STRN: variants seen among roughly 807,000 people sequenced by gnomAD.
The protein encoded by STRN is protein phosphatase 2 regulatory subunit B'''alpha.
STRN carries 53 observed loss-of-function variants against 96.3 expected under a neutral mutation model. The ratio of observed to expected loss-of-function variants is 0.55; its 90% confidence interval spans 0.44 to 0.69. The LOEUF is 0.69. Among genes scored for constraint, STRN ranks in the 30% least tolerant of loss-of-function variants. The pLI, the probability that STRN is intolerant of heterozygous loss-of-function variation, is 0.00. For synonymous variants in STRN, 428 were observed against 355.9 expected (o/e 1.20, Z -2.28); for missense variants, 987 against 963.9 (o/e 1.02, Z -0.32).
Position 36,884,092 on chromosome 2 carries a change from G to T in STRN, c.1043-17C>A, listed in dbSNP as rs1390071782. ...TATTGGGCCCTAGCCAAAAAAAGGG[G>T]GGGTGGGAGGAGATAAAAAAGAGAA... On this transcript the variant is annotated splice_polypyrimidine_tract_variant and intron_variant, in intron 8 of 17. Coordinates refer to ENST00000263918, the MANE Select transcript of STRN (RefSeq NM_003162.4). The T allele has an allele frequency of 7.6e-7, 1 of 1,319,552 alleles. No individual in the cohort carries two copies. The highest frequency in any genetic ancestry group is 9.8e-7 in the Non-Finnish European group (1 of 1,024,924). 81.7% of individuals were successfully genotyped at this position (1,319,552 alleles called of 1,614,324 possible).
At position 36,870,845 on chromosome 2, in the gene STRN, G is replaced by A. The variant is rs148693466; in HGVS notation, c.1324-1116C>T. Reference sequence around the variant, plus strand: ...CACAAAAGATGACAGCTCCATGACTGTGACTGCCCCTGAAGACCTTCTAGT... The same window carrying A: ...CACAAAAGATGACAGCTCCATGACTATGACTGCCCCTGAAGACCTTCTAGT... On this transcript the variant is annotated intron_variant, in intron 10 of 17. Coordinates refer to ENST00000263918, the MANE Select transcript of STRN (RefSeq NM_003162.4). Among the ~76,000 whole-genome samples the A allele has an allele frequency of 2.1e-3, 320 of 152,274 alleles. 5 individuals carry two copies. Among genetic ancestry groups the A allele is most frequent in the African/African-American group, 7.4e-3 (307 of 41,556 alleles).
At chr2:36,878,685 T>C (rs1303014995) in intron 9 of STRN, among the ~76,000 whole-genome samples, 3 of 152,168 alleles carry the variant, frequency 2.0e-5, no homozygotes, top group Non-Finnish European at 2.9e-5. Context: ...TGTACCCTTA[T>C]GATATCAGCA....
intron 1 of STRN, 105 bp from the exon 2 acceptor site, chr2:36,925,313 T>C (rs1670380999): frequency 1.4e-6 from 1 of 711,356 alleles, no homozygotes; most frequent in Admixed American, 2.8e-5. Context: ...TGCAAAAATA[T>C]TTCCTTTACA....
intron 1 of STRN, among the ~76,000 whole-genome samples, chr2:36,956,559 A>C (rs1488257120): frequency 6.6e-6 from 1 of 152,216 alleles, no homozygotes; most frequent in Non-Finnish European, 1.5e-5. Context: ...TAGCAAATCA[A>C]AAGTATAGCT....
At chr2:36,858,519 G>C (rs1184548297) in intron 13 of STRN, among the ~76,000 whole-genome samples, 2 of 152,218 alleles carry the variant, frequency 1.3e-5, no homozygotes, top group African/African-American at 4.8e-5. Flanking sequence ...TGGACAGGAA[G>C]TGACATCTAC....
Position 36,899,523 on chromosome 2 carries a change from T to C in STRN, c.795A>G (p.Thr265=), listed in dbSNP as rs1350550861. 4 of 1,611,362 alleles carry C rather than the reference T, an allele frequency of 2.5e-6. No individual in the cohort carries two copies. In the African/African-American group the frequency reaches 5.4e-5, roughly 22 times the overall value. The change falls in exon 6 of 18, where the codon ACA becomes ACG. Residue 265 remains threonine, a splice_region_variant and synonymous_variant. Transcript: ENST00000263918. ...GREKSVIDTS[T]IVRKKALPDS... ...ATATTGTATGAGTTATCTAACTCACTGTTGAAGTATCAATGACGCTTTTCT... is the reference window on the plus strand; with the variant it reads ...ATATTGTATGAGTTATCTAACTCACCGTTGAAGTATCAATGACGCTTTTCT...
chr2:36,876,892 C>T (rs555948358), intron 10 of STRN, among the ~76,000 whole-genome samples: 4 of 151,988 alleles, frequency 2.6e-5, no homozygotes, highest in African/African-American at 7.2e-5. Context: ...GGACTACAGG[C>T]GCCTGCCACC....
At chr2:36,925,244 A>C (rs1670378702) in intron 1 of STRN, 36 bp from the exon 2 acceptor site, 11 of 1,540,062 alleles carry the variant, frequency 7.1e-6, no homozygotes, top group Middle Eastern at 3.4e-4. Context: ...TTCAGTTTAG[A>C]CCAAAAAAAA....
chr2:36,935,852 C>G (rs1670688134), intron 1 of STRN, among the ~76,000 whole-genome samples: 1 of 152,154 alleles, frequency 6.6e-6, no homozygotes, highest in South Asian at 2.1e-4. Flanking sequence ...TTACCATAAA[C>G]TAGAAAGTCT....
intron 1 of STRN, among the ~76,000 whole-genome samples, chr2:36,957,564 G>A (rs943021044): frequency 1.1e-4 from 16 of 151,680 alleles, no homozygotes; most frequent in African/African-American, 3.9e-4. Context: ...CTCCAGCCTG[G>A]GTGACAGTAA....
intron 1 of STRN, among the ~76,000 whole-genome samples, chr2:36,942,568 G>A (rs1048931091): frequency 1.3e-5 from 2 of 152,040 alleles, no homozygotes; most frequent in South Asian, 2.1e-4. Flanking sequence ...TACTATAAGC[G>A]GGATCAACAG....
In STRN at chr2:36,966,483, G is replaced by T; in HGVS notation, c.-20C>A. ...GTCCATGGCGGCCGCAGATACCCGGGGAGCTGCCCCGGCGCCCAGCAGCGG... is the reference window on the plus strand; with the variant it reads ...GTCCATGGCGGCCGCAGATACCCGGTGAGCTGCCCCGGCGCCCAGCAGCGG... On this transcript the variant is annotated 5_prime_UTR_variant, in exon 1 of 18. Coordinates refer to ENST00000263918, the MANE Select transcript of STRN (RefSeq NM_003162.4). 1.4e-6 allele frequency: 2 copies of T among 1,416,150 alleles called. No homozygotes were observed. Among genetic ancestry groups the T allele is most frequent in the Non-Finnish European group, 1.8e-6 (2 of 1,089,170 alleles). 87.7% of individuals were successfully genotyped at this position (1,416,150 alleles called of 1,614,324 possible). A position where few individuals can be genotyped will look rare whatever the true frequency, so the allele number is the denominator to read the frequency against.
rs1457398284 is a variant in STRN, at chr2:36,867,828, T to C, written c.1533A>G (p.Thr511=). 5 of 1,587,892 alleles carry C rather than the reference T, an allele frequency of 3.1e-6. No individual in the cohort carries two copies. The highest frequency in any genetic ancestry group is 4.3e-6 in the Non-Finnish European group (5 of 1,168,886). The stretch of plus-strand genomic sequence containing the variant: ...CATATACTTACTTATGGGCTCTGAA[T>C]GTATAGATAGGTTCTACATCAAGAG... The part of the protein sequence containing the change: ...STSLDVEPIY[T]FRAHKGPVLC... The change falls in exon 12 of 18, where the codon ACA becomes ACG. Residue 511 remains threonine, a synonymous_variant. Coordinates refer to ENST00000263918, the MANE Select transcript of STRN (RefSeq NM_003162.4).
At chr2:36,885,802 C>T (rs935647543) in intron 8 of STRN, among the ~76,000 whole-genome samples, 1 of 152,044 alleles carries the variant, frequency 6.6e-6, no homozygotes, top group Non-Finnish European at 1.5e-5. Context: ...CTTTAAAATA[C>T]ATTTCTCACT....
rs1668390701 is a variant in STRN, at chr2:36,858,027, T to C, written c.1670-4A>G. 3 of 1,561,262 alleles carry C rather than the reference T, an allele frequency of 1.9e-6. No individual in the cohort carries two copies. Among genetic ancestry groups the C allele is most frequent in the Non-Finnish European group, 2.6e-6 (3 of 1,150,046 alleles). On this transcript the variant is annotated splice_region_variant and splice_polypyrimidine_tract_variant and intron_variant, in intron 13 of 17. Transcript: ENST00000263918. ...GGGCCTCGTAAAACAGAAGGATCTA[T>C]ACAAAACAGTAAAAATGCAAAATCA...
At chr2:36,913,944 C>T (rs1261629390) in intron 3 of STRN, among the ~76,000 whole-genome samples, 1 of 152,008 alleles carries the variant, frequency 6.6e-6, no homozygotes, top group South Asian at 2.1e-4. Context: ...TTTTAAAGCG[C>T]AAGCCCCTTC....
rs1452963054 is a variant in STRN at position 36,848,558 on chromosome 2, TC to T, written c.*897del. ...TTTTCAGTCACTGAAAAGTAAGATT[TC>T]ATTGGTATGAAATAATCACTCTGGT... On this transcript the variant is annotated 3_prime_UTR_variant, in exon 18 of 18. Transcript: ENST00000263918. 6.6e-6 allele frequency: 1 copy of T among 152,218 alleles called. No individual in the cohort carries two copies. The highest frequency in any genetic ancestry group is 1.5e-5 in the Non-Finnish European group (1 of 68,034). The allele number at this position is 152,218 out of a possible 1,614,324, so 9.4% of individuals were successfully genotyped here.
In STRN at chr2:36,848,178, G is replaced by A. The variant is rs746869453; in HGVS notation, c.*1278C>T. On this transcript the variant is annotated 3_prime_UTR_variant, in exon 18 of 18. Coordinates refer to ENST00000263918, the MANE Select transcript of STRN (RefSeq NM_003162.4). ...TGTGGATTTCCCCAGAAACAATACT[G>A]ATCCACTGCCCATTAAAACATGTAT... is the stretch of plus-strand genomic sequence containing the variant. 6.6e-6 allele frequency: 1 copy of A among 152,150 alleles called. No individual in the cohort carries two copies. The highest frequency in any genetic ancestry group is 1.9e-4 in the East Asian group (1 of 5,198). The allele number at this position is 152,150 out of a possible 1,614,324, so 9.4% of individuals were successfully genotyped here.
chr2:36,928,168 AGTCG>A (rs1670466647), intron 1 of STRN, among the ~76,000 whole-genome samples: 2 of 152,216 alleles, frequency 1.3e-5, no homozygotes, highest in African/African-American at 4.8e-5. Flanking sequence ...AAACGACCTC[AGTCG>A]AAAGCATAAT....
Sources: allele counts gnomAD v4.1 joint callset (sites outside exome capture counted in the v4.1 genomes callset), GRCh38; gene constraint gnomAD v4.1.1; transcripts MANE v1.5; gene names NCBI Gene and HGNC (gene_info 2026-07-23, HGNC 2026-07-21).